Variants in ZNF503 observed in about 807,000 individuals in gnomAD.
ZNF503 encodes zinc finger protein 503.
In ZNF503, 15 loss-of-function variants were observed where a neutral mutation model predicts 34.4. The ratio of observed to expected loss-of-function variants is 0.44; its 90% CI spans 0.29 to 0.67. The LOEUF (loss-of-function observed/expected upper bound fraction) is 0.67, where lower values mean the gene tolerates loss of function less well. Among genes scored for constraint, ZNF503 ranks in the 30% least tolerant of loss-of-function variants. The probability of loss-of-function intolerance (pLI) is 0.13; values close to 1 mark genes in which losing one functional copy is unlikely to be tolerated. For synonymous variants in ZNF503, 580 were observed against 456.8 expected (o/e 1.27, Z -3.44); for missense variants, 1,007 against 926.8 (o/e 1.09, Z -1.12).
At chr10:75,348,390 G>T in the ZNF503 span, among the ~76,000 whole-genome samples, 78 of 151,036 alleles carry the variant, frequency 5.2e-4, no homozygotes, top group Admixed American at 3.0e-3. Flanking sequence ...GAGAGACAAG[G>T]TTTCACCGTG....
chr10:75,379,942 G>A, the ZNF503 span, among the ~76,000 whole-genome samples: 1 of 152,152 alleles, frequency 6.6e-6, no homozygotes, highest in Non-Finnish European at 1.5e-5. Context: ...GGTGGGAGGG[G>A]GTGCACGCCA....
chr10:75,337,872 G>A, the ZNF503 span, among the ~76,000 whole-genome samples: 1 of 152,194 alleles, frequency 6.6e-6, no homozygotes, highest in African/African-American at 2.4e-5. Context: ...CTAGAGAGGG[G>A]AAGGGAATTT....
At chr10:75,349,176 T>G in the ZNF503 span, among the ~76,000 whole-genome samples, 11 of 152,266 alleles carry the variant, frequency 7.2e-5, no homozygotes, top group Admixed American at 1.3e-4. Flanking sequence ...ATCTCCCCAG[T>G]TATCCCAATA....
the ZNF503 span, among the ~76,000 whole-genome samples, chr10:75,344,538 A>C: frequency 6.6e-6 from 1 of 152,154 alleles, no homozygotes; most frequent in Non-Finnish European, 1.5e-5. Context: ...GCCTTGAATG[A>C]AGACTTGAAG....
the ZNF503 span, among the ~76,000 whole-genome samples, chr10:75,289,312 C>T: frequency 1.3e-5 from 2 of 152,238 alleles, no homozygotes; most frequent in South Asian, 4.2e-4. Flanking sequence ...CTAGATTTGC[C>T]GCCTGCCCAC....
At chr10:75,348,807 C>T in the ZNF503 span, among the ~76,000 whole-genome samples, 671 of 152,270 alleles carry the variant, frequency 4.4e-3, 3 homozygotes, top group African/African-American at 0.015. Context: ...CCACCGCACC[C>T]GGCCGCCCCT....
chr10:75,356,578 C>T, the ZNF503 span, among the ~76,000 whole-genome samples: 101 of 152,330 alleles, frequency 6.6e-4, 1 homozygote, highest in African/African-American at 1.9e-3. Flanking sequence ...AAGCTCTCCA[C>T]GTGAGAGGGT....
chr10:75,281,650 C>T, the ZNF503 span, among the ~76,000 whole-genome samples: 2 of 152,148 alleles, frequency 1.3e-5, no homozygotes, highest in African/African-American at 4.8e-5. Context: ...TGTCCAGGCT[C>T]TCATTTTGAT....
the ZNF503 span, among the ~76,000 whole-genome samples, chr10:75,319,658 A>G: frequency 6.6e-6 from 1 of 152,262 alleles, no homozygotes; most frequent in Non-Finnish European, 1.5e-5. Context: ...ATTACATTAT[A>G]TATAAATGGT....
the ZNF503 span, among the ~76,000 whole-genome samples, chr10:75,366,680 T>C: frequency 5.9e-5 from 9 of 152,222 alleles, no homozygotes; most frequent in Admixed American, 1.3e-4. Flanking sequence ...ATGTCTGTGC[T>C]CCGAGCCTGA....
At chr10:75,309,754 T>C in the ZNF503 span, among the ~76,000 whole-genome samples, 1 of 152,194 alleles carries the variant, frequency 6.6e-6, no homozygotes, top group Non-Finnish European at 1.5e-5. Context: ...CTCTGAGAGA[T>C]GACTATATTT....
the ZNF503 span, among the ~76,000 whole-genome samples, chr10:75,297,732 T>G: frequency 1.3e-4 from 20 of 152,240 alleles, no homozygotes; most frequent in Non-Finnish European, 5.9e-5. Flanking sequence ...TATTGTGATA[T>G]GAAATACATA....
the ZNF503 span, among the ~76,000 whole-genome samples, chr10:75,379,155 AT>A: frequency 1.3e-5 from 2 of 152,168 alleles, no homozygotes; most frequent in Admixed American, 1.3e-4. Flanking sequence ...CCTTAAATGC[AT>A]TTTAAAATAT....
At chr10:75,393,338 C>T (rs1475515484), downstream of ZNF503, among the ~76,000 whole-genome samples, 1 of 152,180 alleles carries the variant, frequency 6.6e-6, no homozygotes, top group African/African-American at 2.4e-5. Flanking sequence ...GGTGGGGCAG[C>T]GGGATGAGCC....
chr10:75,360,327 C>T, the ZNF503 span, among the ~76,000 whole-genome samples: 9 of 151,990 alleles, frequency 5.9e-5, no homozygotes, highest in Non-Finnish European at 8.8e-5. Context: ...GGGGTTTCGC[C>T]GTGTTAGCCA....
the ZNF503 span, among the ~76,000 whole-genome samples, chr10:75,386,998 C>T: frequency 6.6e-6 from 1 of 152,258 alleles, no homozygotes; most frequent in Non-Finnish European, 1.5e-5. Flanking sequence ...TCCTAGTCAT[C>T]TTCCCATTGC....
the ZNF503 span, among the ~76,000 whole-genome samples, chr10:75,302,786 A>C: frequency 6.6e-6 from 1 of 152,224 alleles, no homozygotes; most frequent in Non-Finnish European, 1.5e-5. Context: ...CTTATCTGAC[A>C]GTACTCTAAA....
chr10:75,395,091 G>A (rs2131983063), downstream of ZNF503, among the ~76,000 whole-genome samples: 1 of 152,334 alleles, frequency 6.6e-6, no homozygotes, highest in African/African-American at 2.4e-5. The surrounding 1 kb of genome is among the most constrained non-coding windows in gnomAD (Gnocchi z 4.4). Flanking sequence ...CCCTTGGCAA[G>A]GAGTGGGCGC....
chr10:75,308,439 A>C, the ZNF503 span, among the ~76,000 whole-genome samples: 1 of 152,214 alleles, frequency 6.6e-6, no homozygotes, highest in Admixed American at 6.5e-5. Context: ...TTCTTTAGCC[A>C]ATGAATTAAG....
Sources: gnomAD v4.1 joint callset for allele counts (sites outside exome capture counted in the v4.1 genomes callset) on GRCh38, gnomAD v4.1.1 for gene constraint, Gnocchi (gnomAD v3.1) non-coding constraint, MANE v1.5 for transcripts, NCBI Gene and HGNC (gene_info 2026-07-23, HGNC 2026-07-21) for gene names.